Variants in ASB18 observed in about 807,000 individuals in gnomAD.
ASB18 encodes the protein ankyrin repeat and SOCS box protein 18.
ASB18 carries 33 observed loss-of-function variants against 33.4 expected under a neutral mutation model. The ratio of observed to expected loss-of-function variants is 0.99; its 90% CI spans 0.75 to 1.32. The LOEUF (loss-of-function observed/expected upper bound fraction) is 1.32, where lower values mean the gene tolerates loss of function less well. ASB18 is among the 40% of genes most tolerant of loss of function. ASB18 has a pLI of 0.00. For missense variants in ASB18, 694 were observed against 655.5 expected (o/e 1.06, Z -0.64); for synonymous variants, 295 against 307.6 (o/e 0.96, Z 0.43).
intron 1 of ASB18, chr2:236,247,329 T>C (rs1448075608): frequency 2.6e-5 from 4 of 152,006 alleles, no homozygotes; most frequent in Non-Finnish European, 5.9e-5. Context: ...ATTCATTCAA[T>C]AAGCATTTAT....
At position 236,249,183 on chromosome 2, in the gene ASB18, G is replaced by C. The variant is rs1396617883; in HGVS notation, c.206-7781C>G. On this transcript the variant is annotated intron_variant, in intron 1 of 5. Coordinates refer to ENST00000409749, the MANE Select transcript of ASB18 (RefSeq NM_212556.4). This position sits in a 1 kb window ranked among gnomAD's most constrained non-coding sequence, Gnocchi z 4.6. ...GACTCTTGGCTTTGTAGAACTGAGA[G>C]TCCCTCTGAGAACTCCAGAGAGCCC... The C allele has an allele frequency of 1.3e-5, 2 of 152,188 alleles. No individual in the cohort carries two copies. The highest frequency in any genetic ancestry group is 4.8e-5 in the African/African-American group (2 of 41,452). 9.4% of individuals were successfully genotyped at this position (152,188 alleles called of 1,614,324 possible).
At chr2:236,233,926 C>A (rs1476101337) in intron 3 of ASB18, among the ~76,000 whole-genome samples, 2 of 152,130 alleles carry the variant, frequency 1.3e-5, no homozygotes, top group African/African-American at 4.8e-5. Flanking sequence ...TGCAAAGGAG[C>A]TAGAATAGCC....
At chr2:236,246,277 A>C (rs984239510) in intron 1 of ASB18, among the ~76,000 whole-genome samples, 1 of 137,728 alleles carries the variant, frequency 7.3e-6, no homozygotes, top group Middle Eastern at 4.5e-3. Context: ...TGCTGCTTGA[A>C]CCTGGGAGGC....
chr2:236,212,972 T>A, intron 4 of ASB18, among the ~76,000 whole-genome samples: 1 of 152,146 alleles, frequency 6.6e-6, no homozygotes, highest in East Asian at 1.9e-4. Flanking sequence ...AGGGCTGAAG[T>A]GTGTGTTGGT....
At position 236,237,778 on chromosome 2, in the gene ASB18, G is replaced by GGT; in HGVS notation, c.506_507insAC (p.Leu170ProfsTer88). 3 of 1,442,718 alleles carry GGT rather than the reference G, an allele frequency of 2.1e-6. No individual in the cohort carries two copies. The highest frequency in any genetic ancestry group is 2.7e-6 in the Non-Finnish European group (3 of 1,102,364). The allele number at this position is 1,442,718 out of a possible 1,614,324, so 89.4% of individuals were successfully genotyped here. ...GGTCGGCGCGGTGCTGCAGCAGCAG[G>GGT]CGGACGCAGGCGGTGTGGCCCCCGA... On this transcript the variant is annotated frameshift_variant, in exon 3 of 6. Coordinates refer to ENST00000409749, the MANE Select transcript of ASB18 (RefSeq NM_212556.4). LOFTEE classifies it high-confidence loss of function. This position sits in a 1 kb window ranked among gnomAD's most constrained non-coding sequence, Gnocchi z 6.2.
rs1165106994 is a variant in ASB18, at chr2:236,259,082, C to T, written c.205+5059G>A. Among the ~76,000 whole-genome samples the T allele has an allele frequency of 6.6e-6, 1 of 152,194 alleles. No homozygotes were observed. The highest frequency in any genetic ancestry group is 1.5e-5 in the Non-Finnish European group (1 of 68,032). Reference sequence around the variant, plus strand: ...TGCCCCTCCCCCAGCCGTCCTTTCTCCCTCTCTGTGTTCTCTGCAGCTACT... The same window carrying T: ...TGCCCCTCCCCCAGCCGTCCTTTCTTCCTCTCTGTGTTCTCTGCAGCTACT... On this transcript the variant is annotated intron_variant, in intron 1 of 5. Coordinates refer to ENST00000409749, the MANE Select transcript of ASB18 (RefSeq NM_212556.4). The surrounding 1 kb of genome is among the most constrained non-coding windows in gnomAD (Gnocchi z 4.4).
chr2:236,198,619 G>T (rs2060385450), intron 4 of ASB18, among the ~76,000 whole-genome samples: 1 of 152,176 alleles, frequency 6.6e-6, no homozygotes, highest in African/African-American at 2.4e-5. Flanking sequence ...GCCCACCTCA[G>T]CCTCCCAAAG....
intron 2 of ASB18, among the ~76,000 whole-genome samples, chr2:236,240,929 G>A (rs896580030): frequency 2.6e-5 from 4 of 152,208 alleles, no homozygotes; most frequent in East Asian, 3.9e-4. Context: ...TGCTCCGGGC[G>A]CAACTGAAGG....
In ASB18 at chr2:236,225,057, C is replaced by A. The variant is rs1576402206; in HGVS notation, c.597-10191G>T. Among the ~76,000 whole-genome samples, 2 of 152,090 alleles carry A rather than the reference C, an allele frequency of 1.3e-5. No homozygotes were observed. Among genetic ancestry groups the A allele is most frequent in the Non-Finnish European group, 2.9e-5 (2 of 68,002 alleles). On this transcript the variant is annotated intron_variant, in intron 3 of 5. Coordinates refer to ENST00000409749, the MANE Select transcript of ASB18 (RefSeq NM_212556.4). This position sits in a 1 kb window ranked among gnomAD's most constrained non-coding sequence, Gnocchi z 5.1. ...TGTTCTTAGGTGGAGACTGCTGGGT[C>A]CCCCCACCCATAAGATAATTAGCTG...
Position 236,237,734 on chromosome 2 carries a change from T to C in ASB18, c.551A>G (p.Glu184Gly). 1 of 1,460,424 alleles carries C rather than the reference T, an allele frequency of 6.8e-7. No individual in the cohort carries two copies. The highest frequency in any genetic ancestry group is 9.0e-7 in the Non-Finnish European group (1 of 1,112,050). The allele number at this position is 1,460,424 out of a possible 1,614,324, so 90.5% of individuals were successfully genotyped here. The change falls in exon 3 of 6, where the codon GAG becomes GGG. Residue 184 changes from glutamate to glycine, a missense_variant. Physicochemically the swap from Glu to Gly is moderately conservative, Grantham distance 98. Coordinates refer to ENST00000409749, the MANE Select transcript of ASB18 (RefSeq NM_212556.4). The surrounding 1 kb of genome is among the most constrained non-coding windows in gnomAD (Gnocchi z 6.2). ...HRADPDLLSA[E>G]GLAPLHLCRT... Reference sequence around the variant, plus strand: ...GCAGAGGTGCAGAGGCGCCAGGCCCTCGGCGCTGAGCAGGTCGGGGTCGGC... The same window carrying C: ...GCAGAGGTGCAGAGGCGCCAGGCCCCCGGCGCTGAGCAGGTCGGGGTCGGC...
chr2:236,194,581 C>T lies in ASB18; in HGVS notation c.*291G>A, dbSNP rs1286409485. 6.6e-6 allele frequency among the ~76,000 whole-genome samples: 1 copy of T among 152,210 alleles called. No homozygotes were observed. Among genetic ancestry groups the T allele is most frequent in the Non-Finnish European group, 1.5e-5 (1 of 68,048 alleles). On this transcript the variant is annotated 3_prime_UTR_variant, in exon 6 of 6. Coordinates refer to ENST00000409749, the MANE Select transcript of ASB18 (RefSeq NM_212556.4). The surrounding 1 kb of genome is among the most constrained non-coding windows in gnomAD (Gnocchi z 4.5). The stretch of plus-strand genomic sequence containing the variant: ...GACCTTAAGTGAGGACTCACTGTAC[C>T]TTTTGGCTTAACTGTTGTTGAAAGG...
rs1308433995 is a variant in ASB18, at chr2:236,215,107, C to T, written c.597-241G>A. Among the ~76,000 whole-genome samples, 3 of 151,532 alleles carry T rather than the reference C, an allele frequency of 2.0e-5. No homozygotes were observed. Among genetic ancestry groups the T allele is most frequent in the African/African-American group, 7.3e-5 (3 of 41,224 alleles). On this transcript the variant is annotated intron_variant, in intron 3 of 5. Coordinates refer to ENST00000409749, the MANE Select transcript of ASB18 (RefSeq NM_212556.4). The surrounding 1 kb of genome is among the most constrained non-coding windows in gnomAD (Gnocchi z 7.2). ...AGGATATGCCATAAGAATCCACGTG[C>T]AGAGTTACAATTTATAAGGAAATTT...
At position 236,252,412 on chromosome 2, in the gene ASB18, G is replaced by A. The variant is rs1471764183; in HGVS notation, c.206-11010C>T. Among the ~76,000 whole-genome samples the A allele has an allele frequency of 1.3e-5, 2 of 152,128 alleles. No individual in the cohort carries two copies. The highest frequency in any genetic ancestry group is 2.9e-5 in the Non-Finnish European group (2 of 68,028). ...AGATCACTGCTATATGGAGGTACAGGTGTTAAGATGGGGATGCCTCAAATA... is the reference window on the plus strand; with the variant it reads ...AGATCACTGCTATATGGAGGTACAGATGTTAAGATGGGGATGCCTCAAATA... On this transcript the variant is annotated intron_variant, in intron 1 of 5. Coordinates refer to ENST00000409749, the MANE Select transcript of ASB18 (RefSeq NM_212556.4). This position sits in a 1 kb window ranked among gnomAD's most constrained non-coding sequence, Gnocchi z 7.9.
In ASB18 at chr2:236,194,174, G is replaced by A. The variant is rs560695425; in HGVS notation, c.*698C>T. Among the ~76,000 whole-genome samples, 4 of 152,336 alleles carry A rather than the reference G, an allele frequency of 2.6e-5. No homozygotes were observed. The highest frequency in any genetic ancestry group is 9.6e-5 in the African/African-American group (4 of 41,578). On this transcript the variant is annotated 3_prime_UTR_variant, in exon 6 of 6. Transcript: ENST00000409749. This position sits in a 1 kb window ranked among gnomAD's most constrained non-coding sequence, Gnocchi z 4.5. ...TGACAATAAATGATGCGGTATGAGA[G>A]GGCCTAGCAAGCCTGCCACATTGGT...
rs555326965 is a variant in ASB18, at chr2:236,237,306, G to C, written c.596+383C>G. 1.7e-4 allele frequency among the ~76,000 whole-genome samples: 25 copies of C among 151,254 alleles called. No individual in the cohort carries two copies. The highest frequency in any genetic ancestry group is 3.4e-3 in the Middle Eastern group (1 of 292). ...TACCTCGGCGTGGCGCCTCCCGCGCGCGCTCGCAATCAAGCGCTAATTAAA... is the reference window on the plus strand; with the variant it reads ...TACCTCGGCGTGGCGCCTCCCGCGCCCGCTCGCAATCAAGCGCTAATTAAA... On this transcript the variant is annotated intron_variant, in intron 3 of 5. Transcript: ENST00000409749. The surrounding 1 kb of genome is among the most constrained non-coding windows in gnomAD (Gnocchi z 6.2).
rs1014118630 is a variant in ASB18, at chr2:236,228,833, A to T, written c.596+8856T>A. On this transcript the variant is annotated intron_variant, in intron 3 of 5. Coordinates refer to ENST00000409749, the MANE Select transcript of ASB18 (RefSeq NM_212556.4). The surrounding 1 kb of genome is among the most constrained non-coding windows in gnomAD (Gnocchi z 5.1). The stretch of plus-strand genomic sequence containing the variant: ...AATAAAGCTTAAAGGCAAGACCCAA[A>T]AGGATCAAACTATTTCCAAGTAACT... Among the ~76,000 whole-genome samples, 1 of 152,202 alleles carries T rather than the reference A, an allele frequency of 6.6e-6. No individual in the cohort carries two copies. The highest frequency in any genetic ancestry group is 1.5e-5 in the Non-Finnish European group (1 of 68,034).
intron 4 of ASB18, among the ~76,000 whole-genome samples, chr2:236,198,764 T>G (rs2106262223): frequency 6.6e-6 from 1 of 152,344 alleles, no homozygotes; most frequent in East Asian, 1.9e-4. Context: ...ATTGGTGTGT[T>G]CATTTCTTCA....
chr2:236,208,852 C>T lies in ASB18; in HGVS notation c.1101+5510G>A, dbSNP rs1437859810. Among the ~76,000 whole-genome samples the T allele has an allele frequency of 1.3e-5, 2 of 152,222 alleles. No individual in the cohort carries two copies. The highest frequency in any genetic ancestry group is 2.9e-5 in the Non-Finnish European group (2 of 68,050). ...CTGCGGAGAGGCGGCTGCCACATTA[C>T]TCTGACATGCTGATGTCATTAGTGT... On this transcript the variant is annotated intron_variant, in intron 4 of 5. Coordinates refer to ENST00000409749, the MANE Select transcript of ASB18 (RefSeq NM_212556.4). The surrounding 1 kb of genome is among the most constrained non-coding windows in gnomAD (Gnocchi z 7.7).
At position 236,208,628 on chromosome 2, in the gene ASB18, A is replaced by C. The variant is rs2060444827; in HGVS notation, c.1101+5734T>G. Among the ~76,000 whole-genome samples the C allele has an allele frequency of 1.4e-5, 2 of 146,364 alleles. No individual in the cohort carries two copies. The highest frequency in any genetic ancestry group is 2.5e-5 in the African/African-American group (1 of 39,458). On this transcript the variant is annotated intron_variant, in intron 4 of 5. Transcript: ENST00000409749. This position sits in a 1 kb window ranked among gnomAD's most constrained non-coding sequence, Gnocchi z 7.7. ...CACCACCTCCTCCCGCCCCTCCCCC[A>C]CCGGGTCACAGACTGTGACAGAGTC... is the stretch of plus-strand genomic sequence containing the variant.
Sources: gnomAD v4.1 joint callset for allele counts (sites outside exome capture counted in the v4.1 genomes callset) on GRCh38, gnomAD v4.1.1 for gene constraint, Gnocchi (gnomAD v3.1) non-coding constraint, MANE v1.5 for transcripts, NCBI Gene and HGNC (gene_info 2026-07-23, HGNC 2026-07-21) for gene names.